The following PTPRD variants were observed in gnomAD, a reference collection of about 807,000 sequenced individuals.
PTPRD encodes the protein protein tyrosine phosphatase receptor type D.
Under a neutral mutation model 214.5 loss-of-function variants are expected in PTPRD, and 34 were observed. The observed-to-expected ratio is 0.16, with a 90% CI of 0.12 to 0.21. The LOEUF is 0.21. Ranked by LOEUF, PTPRD falls within the 10% of genes least tolerant of loss-of-function variation. The probability of loss-of-function intolerance (pLI) is 1.00; values close to 1 mark genes in which losing one functional copy is unlikely to be tolerated. For synonymous variants in PTPRD, 1,128 were observed against 845.7 expected, an observed-to-expected ratio of 1.33 and a Z score of -5.79; for missense variants, 2,545 against 2,398.7, an observed-to-expected ratio of 1.06 and a Z score of -1.27.
At chr9:8,614,135 A>G (rs1399100766) in intron 14 of PTPRD, among the ~76,000 whole-genome samples, 7 of 152,186 alleles carry the variant, frequency 4.6e-5, no homozygotes. Context: ...ATGTCATTTA[A>G]GATATGCTTC....
At chr9:9,497,257 C>T (rs368760996) in intron 8 of PTPRD, among the ~76,000 whole-genome samples, 9 of 152,070 alleles carry the variant, frequency 5.9e-5, no homozygotes, top group East Asian at 1.9e-4. Context: ...TTTTATGTCA[C>T]GTGTATTTTA....
At chr9:10,527,342 G>GTC (rs2134467748) in intron 2 of PTPRD, among the ~76,000 whole-genome samples, 1 of 152,196 alleles carries the variant, frequency 6.6e-6, no homozygotes, top group South Asian at 2.1e-4. Context: ...TGAGATAAGA[G>GTC]ACTAGGTAAC....
intron 5 of PTPRD, among the ~76,000 whole-genome samples, chr9:9,920,109 T>C (rs1416207288): frequency 6.6e-6 from 1 of 152,146 alleles, no homozygotes; most frequent in Non-Finnish European, 1.5e-5. Context: ...TACATTTAAA[T>C]CAGTGACAAA....
At chr9:9,149,985 C>A (rs914296396) in intron 10 of PTPRD, among the ~76,000 whole-genome samples, 19 of 152,164 alleles carry the variant, frequency 1.2e-4, no homozygotes, top group African/African-American at 4.6e-4. Flanking sequence ...CATGAAGACC[C>A]ATTTTACAAA....
chr9:9,186,378 C>T (rs745543474), intron 9 of PTPRD, among the ~76,000 whole-genome samples: 1 of 151,982 alleles, frequency 6.6e-6, no homozygotes. Context: ...CACAATCTGA[C>T]CAGATACAGT....
chr9:10,031,647 T>TACACACACACACAC (rs1555494944), intron 4 of PTPRD, among the ~76,000 whole-genome samples: 264 of 88,782 alleles, frequency 3.0e-3, no homozygotes, highest in South Asian at 3.7e-3. Flanking sequence ...TATATATATA[T>TACACACACACACAC]ACACACACAC....
chr9:9,023,797 A>G (rs1365117023), intron 10 of PTPRD, among the ~76,000 whole-genome samples: 2 of 152,204 alleles, frequency 1.3e-5, no homozygotes, highest in East Asian at 3.9e-4. Flanking sequence ...GCTTAGGATT[A>G]CGGCCTCCAT....
At chr9:10,120,083 T>C (rs2154247173) in intron 3 of PTPRD, among the ~76,000 whole-genome samples, 1 of 152,146 alleles carries the variant, frequency 6.6e-6, no homozygotes, top group East Asian at 1.9e-4. Context: ...AGTGTCCTAG[T>C]GATGTTTGTA....
intron 2 of PTPRD, among the ~76,000 whole-genome samples, chr9:10,531,934 C>G (rs2056474424): frequency 6.6e-6 from 1 of 152,154 alleles, no homozygotes; most frequent in Non-Finnish European, 1.5e-5. Flanking sequence ...CCTGCCTTCA[C>G]CAAGTGATCA....
chr9:10,233,189 A>T (rs1374113373), intron 3 of PTPRD, among the ~76,000 whole-genome samples: 1 of 152,042 alleles, frequency 6.6e-6, no homozygotes, highest in Non-Finnish European at 1.5e-5. Context: ...CATATCAATG[A>T]AGATAATTCT....
intron 3 of PTPRD, among the ~76,000 whole-genome samples, chr9:10,081,662 C>T (rs2154189660): frequency 6.6e-6 from 1 of 152,168 alleles, no homozygotes; most frequent in South Asian, 2.1e-4. Context: ...ATGAACCACC[C>T]AGTCTATGGT....
At chr9:9,500,523 G>C (rs2096374668) in intron 8 of PTPRD, among the ~76,000 whole-genome samples, 1 of 152,038 alleles carries the variant, frequency 6.6e-6, no homozygotes, top group Non-Finnish European at 1.5e-5. Context: ...TGGTTGGATA[G>C]GGTATCAGGT....
intron 39 of PTPRD, among the ~76,000 whole-genome samples, chr9:8,342,448 G>C (rs184444614): frequency 6.6e-6 from 1 of 152,090 alleles, no homozygotes; most frequent in Admixed American, 6.6e-5. Flanking sequence ...GCTAAACCTC[G>C]CATGCTTCCT....
intron 7 of PTPRD, among the ~76,000 whole-genome samples, chr9:9,596,504 A>G (rs1282703530): frequency 3.3e-5 from 5 of 151,984 alleles, no homozygotes; most frequent in Non-Finnish European, 7.4e-5. Context: ...ACACAGAAAT[A>G]TTTTTAATCC....
At chr9:9,926,989 T>C (rs922843201) in intron 5 of PTPRD, among the ~76,000 whole-genome samples, 5 of 152,144 alleles carry the variant, frequency 3.3e-5, no homozygotes, top group Non-Finnish European at 7.4e-5. Context: ...GAAAATTAAA[T>C]ATAATTAGGT....
At chr9:10,023,777 GA>G (rs926435391) in intron 4 of PTPRD, among the ~76,000 whole-genome samples, 3 of 151,414 alleles carry the variant, frequency 2.0e-5, no homozygotes, top group South Asian at 2.1e-4. Flanking sequence ...AAAGCTTTGG[GA>G]AAAAAAACTT....
intron 14 of PTPRD, among the ~76,000 whole-genome samples, chr9:8,551,138 A>G (rs890840134): frequency 1.3e-5 from 2 of 152,156 alleles, no homozygotes; most frequent in Non-Finnish European, 2.9e-5. Context: ...ATCTTTCTTC[A>G]TAATTATATC....
intron 7 of PTPRD, among the ~76,000 whole-genome samples, chr9:9,599,597 T>G (rs2093609689): frequency 6.6e-6 from 1 of 152,120 alleles, no homozygotes; most frequent in Admixed American, 6.6e-5. Flanking sequence ...TATCTTTATC[T>G]TTATGTGTTT....
chr9:10,037,285 G>C (rs537680387), intron 3 of PTPRD, among the ~76,000 whole-genome samples: 2 of 152,240 alleles, frequency 1.3e-5, no homozygotes, highest in East Asian at 3.9e-4. Context: ...GGCCTGGTGG[G>C]AGGTGATTGT....
Sources: gnomAD v4.1 joint callset for allele counts (sites outside exome capture counted in the v4.1 genomes callset) on GRCh38, gnomAD v4.1.1 for gene constraint, MANE v1.5 for transcripts, NCBI Gene and HGNC (gene_info 2026-07-23, HGNC 2026-07-21) for gene names.